Variants in TMEM26 observed in about 807,000 individuals in gnomAD.
TMEM26 encodes transmembrane protein 26.
TMEM26 carries 38 observed loss-of-function variants against 28.8 expected under a neutral mutation model. The observed-to-expected ratio is 1.32, with a 90% CI of 1.02 to 1.73. TMEM26 has a LOEUF of 1.73. Among genes scored for constraint, TMEM26 ranks in the 40% most tolerant of loss-of-function variants. The pLI is 0.00. For synonymous variants in TMEM26, 227 were observed against 182.9 expected, an observed-to-expected ratio of 1.24 and a Z score of -1.95; for missense variants, 518 against 447.1, an observed-to-expected ratio of 1.16 and a Z score of -1.43.
intron 5 of TMEM26, 72 bp from the exon 6 acceptor site, chr10:61,410,818 G>A: frequency 2.8e-6 from 4 of 1,453,104 alleles, no homozygotes; most frequent in Middle Eastern, 1.8e-4. Flanking sequence ...CCATGGGGAC[G>A]AGTCATTAAC....
At chr10:61,448,981 CA>C (rs1840230976) in intron 1 of TMEM26, among the ~76,000 whole-genome samples, 1 of 152,126 alleles carries the variant, frequency 6.6e-6, no homozygotes. Context: ...GGCTGGAAAG[CA>C]GCTGAAATGT....
Position 61,410,488 on chromosome 10 carries a change from G to A in TMEM26, c.941C>T (p.Ser314Leu), listed in dbSNP as rs1161404314. 4.3e-6 allele frequency: 7 copies of A among 1,614,102 alleles called. No individual in the cohort carries two copies. Among genetic ancestry groups the A allele is most frequent in the Non-Finnish European group, 5.9e-6 (7 of 1,180,028 alleles). ...CAGGCCTTCTGACTGACTTCTCAAC[G>A]AAGCACGGACTGCCAATGCCAGCAC... ...LVVLALAVRA[S>L]LRSQSEGLKG... is the part of the protein sequence containing the mutation. Residue 314 changes from serine (S) to leucine (L), a missense_variant, in exon 6 of 6, where the codon TCG becomes TTG. By Grantham distance (145) the Ser-to-Leu change is moderately radical. Coordinates refer to ENST00000399298, the MANE Select transcript of TMEM26 (RefSeq NM_178505.8).
intron 2 of TMEM26, among the ~76,000 whole-genome samples, chr10:61,434,880 A>G (rs890345362): frequency 6.6e-6 from 1 of 152,210 alleles, no homozygotes; most frequent in African/African-American, 2.4e-5. Flanking sequence ...AAAATGACCA[A>G]CTATAACAAA....
rs532208749 is a variant in TMEM26 at position 61,407,006 on chromosome 10, CTGTT to C, written c.*3312_*3315del. The stretch of plus-strand genomic sequence containing the variant: ...CCCCTTTTTTTCTTGTAATTCAAGA[CTGTT>C]TGGTGTTTCATTTGCGTCTCTGTAG... On this transcript the variant is annotated 3_prime_UTR_variant, in exon 6 of 6. Coordinates refer to ENST00000399298, the MANE Select transcript of TMEM26 (RefSeq NM_178505.8). 2.0e-5 allele frequency: 3 copies of C among 151,900 alleles called. No homozygotes were observed. The highest frequency in any genetic ancestry group is 2.9e-5 in the Non-Finnish European group (2 of 67,936). The allele number at this position is 151,900 out of a possible 1,614,324, so 9.4% of individuals were successfully genotyped here. A position where few individuals can be genotyped will look rare whatever the true frequency, so the allele number is the denominator to read the frequency against.
At chr10:61,440,508 AGTTCTC>A in intron 1 of TMEM26, among the ~76,000 whole-genome samples, 1 of 106,652 alleles carries the variant, frequency 9.4e-6, no homozygotes. Flanking sequence ...TTCTTCTTCC[AGTTCTC>A]AAAAAAAAAA....
At chr10:61,446,068 T>C (rs954258217) in intron 1 of TMEM26, among the ~76,000 whole-genome samples, 1 of 152,204 alleles carries the variant, frequency 6.6e-6, no homozygotes, top group South Asian at 2.1e-4. Context: ...AACATGATCA[T>C]AAAGAAAGCA....
chr10:61,424,307 T>C (rs1403004155), intron 4 of TMEM26, among the ~76,000 whole-genome samples: 1 of 152,096 alleles, frequency 6.6e-6, no homozygotes, highest in Non-Finnish European at 1.5e-5. Flanking sequence ...ATTCCACTAC[T>C]AAGAGCATCA....
At chr10:61,413,742 C>T in intron 4 of TMEM26, 2 of 1,251,020 alleles carry the variant, frequency 1.6e-6, no homozygotes, top group Non-Finnish European at 2.0e-6. Context: ...GACTTAAAGC[C>T]CAACATATGC....
chr10:61,419,147 G>A (rs1378204073), intron 4 of TMEM26, among the ~76,000 whole-genome samples: 1 of 152,072 alleles, frequency 6.6e-6, no homozygotes. Context: ...GAAAACAGAT[G>A]CAACAAAATG....
chr10:61,410,345 C>T lies in TMEM26; in HGVS notation c.1084G>A (p.Asp362Asn), dbSNP rs745667909. ...AACTAAGGGGTGTGGTGGGAGTCGT[C>T]GGAGGTGACTGGGGAGCCCCGCAAA... is the stretch of plus-strand genomic sequence containing the variant. ...IPLRGSPVTS[D>N]DSHHTP Residue 362 changes from aspartate to asparagine, a missense_variant, in exon 6 of 6, where the codon GAC (aspartate) becomes AAC (asparagine). Transcript: ENST00000399298. 6 of 1,612,826 alleles carry T rather than the reference C, an allele frequency of 3.7e-6. No individual in the cohort carries two copies. Among genetic ancestry groups the T allele is most frequent in the African/African-American group, 1.3e-5 (1 of 74,878 alleles).
At chr10:61,436,028 C>A in intron 2 of TMEM26, 142 bp downstream of exon 2, 1 of 433,168 alleles carries the variant, frequency 2.3e-6, no homozygotes. Context: ...GGATTCACTT[C>A]CTTTTGCTGA....
At chr10:61,415,836 C>A (rs1424898611) in intron 4 of TMEM26, among the ~76,000 whole-genome samples, 1 of 151,988 alleles carries the variant, frequency 6.6e-6, no homozygotes, top group Non-Finnish European at 1.5e-5. Flanking sequence ...AGTGCTAAAG[C>A]ATTCAGAGTC....
chr10:61,427,972 CTT>C (rs1175897846), intron 4 of TMEM26, among the ~76,000 whole-genome samples: 1 of 151,992 alleles, frequency 6.6e-6, no homozygotes, highest in East Asian at 1.9e-4. Flanking sequence ...AATATGTCAA[CTT>C]AATAAGCTAT....
At chr10:61,414,029 G>A in intron 4 of TMEM26, 1 of 987,158 alleles carries the variant, frequency 1.0e-6, no homozygotes, top group Non-Finnish European at 1.2e-6. Context: ...AAGGTAAGGA[G>A]ATAAATCCAA....
intron 1 of TMEM26, among the ~76,000 whole-genome samples, chr10:61,439,432 G>C (rs889479525): frequency 6.6e-6 from 1 of 152,260 alleles, no homozygotes; most frequent in Non-Finnish European, 1.5e-5. Flanking sequence ...TTAAATATTT[G>C]AATGCCCGAA....
At chr10:61,425,910 A>G (rs1839823828) in intron 4 of TMEM26, among the ~76,000 whole-genome samples, 1 of 152,184 alleles carries the variant, frequency 6.6e-6, no homozygotes, top group Admixed American at 6.6e-5. Flanking sequence ...AGCTATACTT[A>G]ACATATAACC....
chr10:61,449,738 A>C (rs1414347957), intron 1 of TMEM26, among the ~76,000 whole-genome samples: 1 of 152,116 alleles, frequency 6.6e-6, no homozygotes, highest in Non-Finnish European at 1.5e-5. Flanking sequence ...CATTCTGTCT[A>C]TTCTAATTTA....
intron 1 of TMEM26, among the ~76,000 whole-genome samples, chr10:61,450,046 G>C (rs1840250739): frequency 6.6e-6 from 1 of 152,072 alleles, no homozygotes; most frequent in Non-Finnish European, 1.5e-5. Context: ...CTATTCCTCT[G>C]ATGGACAATC....
Position 61,410,410 on chromosome 10 carries a change from C to G in TMEM26, c.1019G>C (p.Arg340Pro). The change falls in exon 6 of 6, where the codon CGG (arginine) becomes CCG (proline). Residue 340 changes from arginine to proline, a missense_variant. Physicochemically the swap from Arg to Pro is moderately radical, Grantham distance 103 (BLOSUM62 -2). Coordinates refer to ENST00000399298, the MANE Select transcript of TMEM26 (RefSeq NM_178505.8). ...AQTSESGPSQRDWQNESKEGL... is the reference protein window; with the variant it reads ...AQTSESGPSQPDWQNESKEGL... ...CTCCTTAGACTCGTTCTGCCAGTCC[C>G]GCTGAGAGGGCCCACTCTCAGAGGT... is the stretch of plus-strand genomic sequence containing the variant. The G allele has an allele frequency of 1.2e-6, 2 of 1,614,044 alleles. No homozygotes were observed. Among genetic ancestry groups the G allele is most frequent in the Non-Finnish European group, 1.7e-6 (2 of 1,180,006 alleles).
Sources: gnomAD v4.1 joint callset for allele counts (sites outside exome capture counted in the v4.1 genomes callset) on GRCh38, gnomAD v4.1.1 for gene constraint, MANE v1.5 for transcripts, NCBI Gene and HGNC (gene_info 2026-07-23, HGNC 2026-07-21) for gene names.